Variants in COL8A1 observed in about 807,000 individuals in gnomAD.
COL8A1 encodes collagen type VIII alpha 1 chain, also known as collagen alpha-1(VIII) chain.
A neutral mutation model predicts 42.7 loss-of-function variants in COL8A1; 21 were observed. That is an observed-to-expected ratio of 0.49 (90% CI 0.35 to 0.71). The LOEUF is 0.71. Ranked by LOEUF, COL8A1 falls within the 30% of genes least tolerant of loss-of-function variation. The probability of loss-of-function intolerance (pLI) is 0.01; values close to 1 mark genes in which losing one functional copy is unlikely to be tolerated. For missense variants in COL8A1, 788 were observed against 962.4 expected (o/e 0.82, Z 2.40); for synonymous variants, 367 against 369.1 (o/e 0.99, Z 0.06).
intron 1 of COL8A1, chr3:99,678,859 A>T (rs1270510507): frequency 6.6e-6 from 1 of 152,194 alleles, no homozygotes; most frequent in Non-Finnish European, 1.5e-5. Context: ...TTCAAAAACC[A>T]ACTCCTTAGG....
chr3:99,697,625 A>G (rs998564159), intron 1 of COL8A1, among the ~76,000 whole-genome samples: 3 of 152,178 alleles, frequency 2.0e-5, no homozygotes, highest in Non-Finnish European at 2.9e-5. Flanking sequence ...CTTGAAAAAT[A>G]CACAATTCTA....
chr3:99,737,034 A>T (rs1220772125), intron 1 of COL8A1, among the ~76,000 whole-genome samples: 2 of 152,020 alleles, frequency 1.3e-5, no homozygotes, highest in African/African-American at 4.8e-5. Context: ...AGTCTGTTTT[A>T]TCAGAGACTA....
At chr3:99,700,447 C>T (rs1014818748) in intron 1 of COL8A1, among the ~76,000 whole-genome samples, 7 of 152,210 alleles carry the variant, frequency 4.6e-5, no homozygotes, top group South Asian at 4.2e-4. Flanking sequence ...TGCACCCTCA[C>T]GCTCTTCTGG....
intron 2 of COL8A1, among the ~76,000 whole-genome samples, chr3:99,773,842 T>A (rs1232117219): frequency 2.7e-3 from 115 of 43,270 alleles, no homozygotes; most frequent in African/African-American, 5.2e-3. Flanking sequence ...TATATATTTT[T>A]TTTTTTTTTT....
At chr3:99,783,244 G>A (rs1941828762) in intron 2 of COL8A1, among the ~76,000 whole-genome samples, 1 of 152,190 alleles carries the variant, frequency 6.6e-6, no homozygotes, top group Non-Finnish European at 1.5e-5. Flanking sequence ...ACTCATTTCA[G>A]AGGCATTATG....
At chr3:99,707,660 G>A (rs188505502) in intron 1 of COL8A1, among the ~76,000 whole-genome samples, 4 of 152,262 alleles carry the variant, frequency 2.6e-5, no homozygotes, top group Admixed American at 6.5e-5. Flanking sequence ...ACGCCCTGCC[G>A]AACTTGGGGC....
chr3:99,764,991 G>A (rs1247090068), intron 2 of COL8A1, among the ~76,000 whole-genome samples: 6 of 152,094 alleles, frequency 3.9e-5, no homozygotes, highest in Admixed American at 2.0e-4. Context: ...TTAAGGGATT[G>A]ATGAAGTTGT....
chr3:99,720,031 G>A (rs998543311), intron 1 of COL8A1, among the ~76,000 whole-genome samples: 1 of 152,010 alleles, frequency 6.6e-6, no homozygotes, highest in African/African-American at 2.4e-5. Flanking sequence ...GTCATTTATG[G>A]TTTTGAGACA....
At chr3:99,656,460 G>C (rs1299789282) in intron 1 of COL8A1, among the ~76,000 whole-genome samples, 2 of 150,714 alleles carry the variant, frequency 1.3e-5, no homozygotes, top group East Asian at 3.9e-4. Flanking sequence ...TTACTTCACT[G>C]GTCAGTAACT....
intron 1 of COL8A1, among the ~76,000 whole-genome samples, chr3:99,671,834 G>T (rs1938555279): frequency 6.6e-6 from 1 of 151,930 alleles, no homozygotes; most frequent in Admixed American, 6.6e-5. Context: ...TATCCAAAGA[G>T]AATGAGATCA....
intron 1 of COL8A1, among the ~76,000 whole-genome samples, chr3:99,670,980 T>C (rs946239864): frequency 6.6e-5 from 10 of 151,618 alleles, no homozygotes; most frequent in African/African-American, 2.4e-4. Context: ...GTGTGTGAAT[T>C]TGAGTAATGT....
intron 2 of COL8A1, among the ~76,000 whole-genome samples, chr3:99,775,395 G>A (rs1030281886): frequency 2.6e-5 from 4 of 152,172 alleles, no homozygotes; most frequent in Admixed American, 6.5e-5. Context: ...GCAAGATATG[G>A]GAAAAGAGGG....
At chr3:99,671,135 G>A (rs1938531512) in intron 1 of COL8A1, among the ~76,000 whole-genome samples, 3 of 151,848 alleles carry the variant, frequency 2.0e-5, no homozygotes, top group Middle Eastern at 6.8e-3. Flanking sequence ...TAATGGGAAG[G>A]AAGATGATCT....
intron 1 of COL8A1, among the ~76,000 whole-genome samples, chr3:99,710,994 T>C (rs555097583): frequency 1.9e-4 from 29 of 152,318 alleles, no homozygotes; most frequent in Middle Eastern, 3.4e-3. Context: ...ATCCACCATT[T>C]TGGAACTCTT....
intron 1 of COL8A1, among the ~76,000 whole-genome samples, chr3:99,743,930 CTTTT>C (rs1311089601): frequency 7.1e-6 from 1 of 139,966 alleles, no homozygotes; most frequent in African/African-American, 2.6e-5. Flanking sequence ...GTAGATAATT[CTTTT>C]TTTTTTTTTT....
intron 1 of COL8A1, among the ~76,000 whole-genome samples, chr3:99,725,001 G>A (rs993285844): frequency 1.3e-5 from 2 of 151,988 alleles, no homozygotes; most frequent in African/African-American, 4.8e-5. Flanking sequence ...TTTGGATTGT[G>A]GTAAGGATTA....
chr3:99,750,731 G>C (rs1035196209), intron 2 of COL8A1, among the ~76,000 whole-genome samples: 4 of 152,136 alleles, frequency 2.6e-5, no homozygotes, highest in African/African-American at 7.2e-5. Flanking sequence ...GTTAAAAATT[G>C]GATTGAATTT....
At chr3:99,769,658 C>T (rs562731828) in intron 2 of COL8A1, among the ~76,000 whole-genome samples, 2 of 152,192 alleles carry the variant, frequency 1.3e-5, no homozygotes, top group Admixed American at 6.5e-5. Context: ...CGATGGCTCA[C>T]GCCTGTAATC....
chr3:99,750,806 TAA>T (rs1941131568), intron 2 of COL8A1, among the ~76,000 whole-genome samples: 1 of 152,186 alleles, frequency 6.6e-6, no homozygotes, highest in South Asian at 2.1e-4. Flanking sequence ...ATCAAAGTTG[TAA>T]TACGGGCTGG....
Sources: allele counts gnomAD v4.1 joint callset (sites outside exome capture counted in the v4.1 genomes callset), GRCh38; gene constraint gnomAD v4.1.1; transcripts MANE v1.5; gene names NCBI Gene and HGNC (gene_info 2026-07-23, HGNC 2026-07-21).